Variants in PSKH1 observed in about 807,000 individuals in gnomAD.
PSKH1 encodes the protein protein serine kinase H1.
PSKH1 carries 12 observed loss-of-function variants against 26.7 expected under a neutral mutation model. That is an observed-to-expected ratio of 0.45 (90% confidence interval 0.29 to 0.73). PSKH1 has a LOEUF of 0.73. PSKH1 is among the 30% of genes least tolerant of loss of function. The pLI, the probability that PSKH1 is intolerant of heterozygous loss-of-function variation, is 0.11. For missense variants in PSKH1, 431 were observed against 595.2 expected, an observed-to-expected ratio of 0.72 and a Z score of 2.87; for synonymous variants, 213 against 234.3, an observed-to-expected ratio of 0.91 and a Z score of 0.83.
In PSKH1 at chr16:67,927,733, T is replaced by C. The variant is rs1228967270; in HGVS notation, c.*91T>C. Reference sequence around the variant, plus strand: ...CCGATGCCCTCTCTGGAGATAGGCCTATGTGGCCCACAGTAGGTGAAGAAT... The same window carrying C: ...CCGATGCCCTCTCTGGAGATAGGCCCATGTGGCCCACAGTAGGTGAAGAAT... On this transcript the variant is annotated 3_prime_UTR_variant, in exon 3 of 3. Transcript: ENST00000291041. The surrounding 1 kb of genome is among the most constrained non-coding windows in gnomAD (Gnocchi z 5.5). 3 of 1,380,840 alleles carry C rather than the reference T, an allele frequency of 2.2e-6. No homozygotes were observed. The highest frequency in any genetic ancestry group is 2.9e-6 in the Non-Finnish European group (3 of 1,028,588). 85.5% of individuals were successfully genotyped at this position (1,380,840 alleles called of 1,614,324 possible).
At chr16:67,902,276 A>AT (rs1378954706) in intron 1 of PSKH1, among the ~76,000 whole-genome samples, 2 of 151,430 alleles carry the variant, frequency 1.3e-5, no homozygotes, top group Non-Finnish European at 1.5e-5. Flanking sequence ...AAAAAAAGAA[A>AT]TAAAAATGAA....
At chr16:67,920,459 A>T (rs960974681) in intron 2 of PSKH1, among the ~76,000 whole-genome samples, 2 of 152,080 alleles carry the variant, frequency 1.3e-5, no homozygotes, top group African/African-American at 4.8e-5. Flanking sequence ...GATAGGGTCT[A>T]TGTTGCCTAG....
At chr16:67,926,414 T>C (rs555139662) in intron 2 of PSKH1, among the ~76,000 whole-genome samples, 151 of 152,292 alleles carry the variant, frequency 9.9e-4, no homozygotes, top group African/African-American at 3.5e-3. Flanking sequence ...GAACATGAAA[T>C]TGCAGTCTCA....
chr16:67,920,757 C>T (rs776156266), intron 2 of PSKH1, among the ~76,000 whole-genome samples: 12 of 152,228 alleles, frequency 7.9e-5, no homozygotes, highest in Non-Finnish European at 4.4e-5. Context: ...TCGTGCCTGA[C>T]GTCCCTCGGT....
intron 2 of PSKH1, among the ~76,000 whole-genome samples, chr16:67,912,577 A>G (rs980493205): frequency 1.3e-5 from 2 of 152,180 alleles, no homozygotes; most frequent in Non-Finnish European, 1.5e-5. Context: ...GCAATAAGAA[A>G]TCCTCTCCCA....
chr16:67,916,244 G>A (rs1817951854), intron 2 of PSKH1, among the ~76,000 whole-genome samples: 1 of 152,182 alleles, frequency 6.6e-6, no homozygotes. Context: ...GCAGCGTTTG[G>A]AGGTATGCAT....
chr16:67,908,561 G>A (rs942773687), intron 1 of PSKH1, 119 bp from the exon 2 acceptor site: 5 of 546,322 alleles, frequency 9.2e-6, no homozygotes, highest in South Asian at 2.9e-5. Context: ...GAGCCATCAC[G>A]CCTGGCCAGG....
intron 1 of PSKH1, among the ~76,000 whole-genome samples, chr16:67,895,735 AG>A (rs1194663196): frequency 1.3e-5 from 2 of 152,112 alleles, no homozygotes; most frequent in Non-Finnish European, 2.9e-5. Flanking sequence ...AAAACTTCCC[AG>A]GTAACTTTAC....
chr16:67,918,586 G>A (rs541211525), intron 2 of PSKH1, among the ~76,000 whole-genome samples: 1 of 150,508 alleles, frequency 6.6e-6, no homozygotes, highest in Non-Finnish European at 1.5e-5. Context: ...TTGACCACCT[G>A]TAGTTCTTTT....
chr16:67,912,606 C>T (rs149845793), intron 2 of PSKH1, among the ~76,000 whole-genome samples: 90 of 152,236 alleles, frequency 5.9e-4, no homozygotes, highest in South Asian at 2.3e-3. Context: ...CGGTGGCTCA[C>T]GCCTGTAATC....
rs866253004 is a variant in PSKH1, at chr16:67,929,447, G to A, written c.*1805G>A. On this transcript the variant is annotated 3_prime_UTR_variant, in exon 3 of 3. Transcript: ENST00000291041. The stretch of plus-strand genomic sequence containing the variant: ...CCCCAGTTCCCCAAGTGTCTCTGGG[G>A]ACCTGAAGCCCTGGGGCTTACGTTC... The A allele has an allele frequency of 1.3e-5, 2 of 159,406 alleles. No individual in the cohort carries two copies. The highest frequency in any genetic ancestry group is 3.5e-4 in the South Asian group (2 of 5,714). 9.9% of individuals were successfully genotyped at this position (159,406 alleles called of 1,614,324 possible).
intron 1 of PSKH1, among the ~76,000 whole-genome samples, chr16:67,893,666 C>A (rs1488501309): frequency 6.6e-6 from 1 of 152,264 alleles, no homozygotes; most frequent in Admixed American, 6.5e-5. Context: ...GCTGTTCAGC[C>A]GCCCCGCGTC....
In PSKH1 at chr16:67,909,669, G is replaced by A. The variant is rs776952921; in HGVS notation, c.920G>A (p.Arg307Gln). 6.5e-5 allele frequency: 105 copies of A among 1,613,132 alleles called. No homozygotes were observed. Among genetic ancestry groups the A allele is most frequent in the Non-Finnish European group, 8.2e-5 (97 of 1,179,996 alleles). The change falls in exon 2 of 3, where the codon CGG becomes CAG. Residue 307 changes from arginine to glutamine, a missense_variant. Arg to Gln is a conservative substitution (Grantham distance 43). Coordinates refer to ENST00000291041, the MANE Select transcript of PSKH1 (RefSeq NM_006742.3). This position sits in a 1 kb window ranked among gnomAD's most constrained non-coding sequence, Gnocchi z 7.8. ...GATGACAACCGTACCCGGCTGTACC[G>A]GCAGATCCTCAGGGGCAAGTACAGT... ...FEDDNRTRLY[R>Q]QILRGKYSYS...
At chr16:67,924,066 C>G (rs1329023548) in intron 2 of PSKH1, among the ~76,000 whole-genome samples, 1 of 152,210 alleles carries the variant, frequency 6.6e-6, no homozygotes, top group Non-Finnish European at 1.5e-5. Context: ...AAGCCCCTGC[C>G]TCACTGTCAG....
intron 1 of PSKH1, among the ~76,000 whole-genome samples, chr16:67,896,169 C>T (rs1025990993): frequency 4.0e-5 from 6 of 151,370 alleles, no homozygotes; most frequent in Non-Finnish European, 8.8e-5. Flanking sequence ...AGTGCAATGG[C>T]GTGAGCTCGG....
At chr16:67,912,447 G>A (rs911049306) in intron 2 of PSKH1, among the ~76,000 whole-genome samples, 1 of 152,190 alleles carries the variant, frequency 6.6e-6, no homozygotes, top group Non-Finnish European at 1.5e-5. Context: ...ACAATTTAAA[G>A]ACAAGCCCCT....
At chr16:67,902,269 A>T (rs2058144007) in intron 1 of PSKH1, among the ~76,000 whole-genome samples, 1 of 151,988 alleles carries the variant, frequency 6.6e-6, no homozygotes, top group African/African-American at 2.4e-5. Flanking sequence ...CAAAAAAAAA[A>T]AAAGAAATAA....
intron 2 of PSKH1, among the ~76,000 whole-genome samples, chr16:67,920,355 G>A (rs1020349687): frequency 2.0e-5 from 3 of 152,050 alleles, no homozygotes; most frequent in Non-Finnish European, 2.9e-5. Flanking sequence ...TTAAACTCCC[G>A]GGCCCAAACC....
chr16:67,898,783 C>G (rs192735569), intron 1 of PSKH1, among the ~76,000 whole-genome samples: 1 of 151,982 alleles, frequency 6.6e-6, no homozygotes, highest in East Asian at 1.9e-4. Flanking sequence ...CCACCACACC[C>G]AACTAATTTT....
Sources: gnomAD v4.1 joint callset for allele counts (sites outside exome capture counted in the v4.1 genomes callset) on GRCh38, gnomAD v4.1.1 for gene constraint, Gnocchi (gnomAD v3.1) non-coding constraint, MANE v1.5 for transcripts, NCBI Gene and HGNC (gene_info 2026-07-23, HGNC 2026-07-21) for gene names.